Variants in RPS6KA2 observed in about 807,000 individuals in gnomAD.
RPS6KA2 encodes ribosomal protein S6 kinase alpha-2.
RPS6KA2 carries 42 observed loss-of-function variants against 91.8 expected under a neutral mutation model. The observed-to-expected ratio is 0.46, with a 90% confidence interval of 0.36 to 0.59. The LOEUF (loss-of-function observed/expected upper bound fraction) is 0.59, where lower values mean the gene tolerates loss of function less well. Ranked by LOEUF, RPS6KA2 falls within the 20% of genes least tolerant of loss-of-function variation. The pLI is 0.00. For missense variants in RPS6KA2, 798 were observed against 978.5 expected (o/e 0.82, Z 2.46); for synonymous variants, 414 against 393.6 (o/e 1.05, Z -0.61).
rs1417613206 is a variant in RPS6KA2, at chr6:166,821,494, G to T, written c.123+36706C>A. Reference sequence around the variant, plus strand: ...AATCCCGGCTTCTCCTGTAAACGCTGCAGTCAGTCTCCATCCTTAGCCTGG... The same window carrying T: ...AATCCCGGCTTCTCCTGTAAACGCTTCAGTCAGTCTCCATCCTTAGCCTGG... On this transcript the variant is annotated intron_variant, in intron 2 of 21. Coordinates refer to the RPS6KA2 transcript ENST00000503859. This position sits in a 1 kb window ranked among gnomAD's most constrained non-coding sequence, Gnocchi z 4.1. Among the ~76,000 whole-genome samples the T allele has an allele frequency of 6.6e-6, 1 of 152,102 alleles. No individual in the cohort carries two copies.
At chr6:166,681,525 G>C (rs957458010) in intron 2 of RPS6KA2, among the ~76,000 whole-genome samples, 1 of 151,906 alleles carries the variant, frequency 6.6e-6, no homozygotes, top group African/African-American at 2.4e-5. Context: ...AGTGTGACCA[G>C]TGCTGATCGG....
At chr6:166,438,386 C>T (rs554243484) in intron 14 of RPS6KA2, among the ~76,000 whole-genome samples, 6 of 152,358 alleles carry the variant, frequency 3.9e-5, no homozygotes, top group African/African-American at 9.6e-5. Flanking sequence ...GGAAGGCTGG[C>T]CCGCGCTCCA....
chr6:166,793,257 C>T (rs530935674), intron 2 of RPS6KA2, among the ~76,000 whole-genome samples: 66 of 149,230 alleles, frequency 4.4e-4, no homozygotes, highest in African/African-American at 1.5e-3. Flanking sequence ...TTCACAATTG[C>T]TTCAAAGAGA....
intron 2 of RPS6KA2, among the ~76,000 whole-genome samples, chr6:166,753,188 C>T (rs559634449): frequency 6.6e-6 from 1 of 152,258 alleles, no homozygotes; most frequent in African/African-American, 2.4e-5. Flanking sequence ...TGGTTTCACC[C>T]CAGTCCCCAG....
In RPS6KA2 at chr6:166,423,685, C is replaced by T. The variant is rs560052252; in HGVS notation, c.1582-268G>A. ...GAATATTTGAGTAAATAAGTGAGCA[C>T]CTCTCCAAGTTGAGGCCGCAGCTTA... On this transcript the variant is annotated intron_variant, in intron 16 of 20. Transcript: ENST00000265678. This position sits in a 1 kb window ranked among gnomAD's most constrained non-coding sequence, Gnocchi z 4.8. Among the ~76,000 whole-genome samples, 8 of 152,354 alleles carry T rather than the reference C, an allele frequency of 5.3e-5. No individual in the cohort carries two copies. The highest frequency in any genetic ancestry group is 2.0e-4 in the Admixed American group (3 of 15,310).
At chr6:166,692,351 C>T (rs1789232769) in intron 2 of RPS6KA2, among the ~76,000 whole-genome samples, 1 of 152,084 alleles carries the variant, frequency 6.6e-6, no homozygotes, top group African/African-American at 2.4e-5. Context: ...AATATATGCC[C>T]AAGAAGAAGA....
At chr6:166,515,201 A>G (rs574750583) in intron 3 of RPS6KA2, among the ~76,000 whole-genome samples, 33 of 152,252 alleles carry the variant, frequency 2.2e-4, no homozygotes, top group African/African-American at 7.5e-4. Flanking sequence ...AATGTGAAAG[A>G]AGTGTTTGGT....
rs79840984 is a variant in RPS6KA2, at chr6:166,689,129, G to A, written c.124-150345C>T. On this transcript the variant is annotated intron_variant, in intron 2 of 21. Transcript: ENST00000503859. ...CAGGGCTCTGGCCGCCCTGTGCCTGGAGGCTGCGCCAAAAGCGCTCCCCTA... is the reference window on the plus strand; with the variant it reads ...CAGGGCTCTGGCCGCCCTGTGCCTGAAGGCTGCGCCAAAAGCGCTCCCCTA... 5.3e-3 allele frequency among the ~76,000 whole-genome samples: 813 copies of A among 152,370 alleles called. 7 individuals carry two copies. Among genetic ancestry groups the A allele is most frequent in the African/African-American group, 0.019 (779 of 41,590 alleles).
In RPS6KA2 at chr6:166,448,820, G is replaced by A. The variant is rs778147662; in HGVS notation, c.1236C>T (p.Thr412=). 2.0e-5 allele frequency: 33 copies of A among 1,613,742 alleles called. No homozygotes were observed. The highest frequency in any genetic ancestry group is 1.2e-4 in the Admixed American group (7 of 59,960). Residue 412 remains threonine (T), a synonymous_variant, in exon 14 of 21, where the codon ACC becomes ACT. Transcript: ENST00000265678. The surrounding 1 kb of genome is among the most constrained non-coding windows in gnomAD (Gnocchi z 4.7). ...TGTCCTCCTTGATCTCGTAGCCATC[G>A]GTGAAGTGGATGTTGTTCCCGTGTA... is the stretch of plus-strand genomic sequence containing the variant. ...QQLHGNNIHF[T]DGYEIKEDIG... is the part of the protein sequence containing the mutation.
chr6:166,687,797 A>G lies in RPS6KA2; in HGVS notation c.124-149013T>C, dbSNP rs187119291. 1.5e-4 allele frequency among the ~76,000 whole-genome samples: 23 copies of G among 152,358 alleles called. No homozygotes were observed. The East Asian group carries it at 3.1e-3, about 20-fold the overall frequency. On this transcript the variant is annotated intron_variant, in intron 2 of 21. Coordinates refer to the RPS6KA2 transcript ENST00000503859. ...TGTGGAGCGTTATCAGGATTTGCTCAATGCGTGTGCACAGAGATGCAAAAT... is the reference window on the plus strand; with the variant it reads ...TGTGGAGCGTTATCAGGATTTGCTCGATGCGTGTGCACAGAGATGCAAAAT...
rs191135003 is a variant in RPS6KA2 at position 166,732,944 on chromosome 6, G to A, written c.123+125256C>T. On this transcript the variant is annotated intron_variant, in intron 2 of 21. Coordinates refer to the RPS6KA2 transcript ENST00000503859. This position sits in a 1 kb window ranked among gnomAD's most constrained non-coding sequence, Gnocchi z 4.0. Reference sequence around the variant, plus strand: ...CTGAAGTGAAGCCTGCTGGCTTAGAGGAAATGAGGAACCGGAGCGGCTGGG... The same window carrying A: ...CTGAAGTGAAGCCTGCTGGCTTAGAAGAAATGAGGAACCGGAGCGGCTGGG... 9.8e-5 allele frequency among the ~76,000 whole-genome samples: 15 copies of A among 152,310 alleles called. No homozygotes were observed. Among genetic ancestry groups the A allele is most frequent in the Admixed American group, 3.3e-4 (5 of 15,300 alleles).
upstream of RPS6KA2, chr6:166,627,963 C>T (rs1415726393): frequency 6.6e-6 from 1 of 152,116 alleles, no homozygotes; most frequent in East Asian, 1.9e-4. Flanking sequence ...TTCCCTCCGC[C>T]GGAGCGGACA....
In RPS6KA2 at chr6:166,711,318, G is replaced by C. The variant is rs527492733; in HGVS notation, c.123+146882C>G. Reference sequence around the variant, plus strand: ...AAACAGAAAGCTTATATAAGATCCAGAGTCTCATAACATAGTGCCCCAAAA... The same window carrying C: ...AAACAGAAAGCTTATATAAGATCCACAGTCTCATAACATAGTGCCCCAAAA... On this transcript the variant is annotated intron_variant, in intron 2 of 21. Coordinates refer to the RPS6KA2 transcript ENST00000503859. Among the ~76,000 whole-genome samples the C allele has an allele frequency of 1.0e-4, 15 of 143,768 alleles. 3 individuals are homozygous for C. The highest frequency in any genetic ancestry group is 2.0e-4 in the Non-Finnish European group (13 of 66,284). The allele number at this position is 143,768 out of a possible 152,430, so 94.3% of individuals were successfully genotyped here. A position where few individuals can be genotyped will look rare whatever the true frequency, so the allele number is the denominator to read the frequency against.
intron 2 of RPS6KA2, among the ~76,000 whole-genome samples, chr6:166,677,958 A>T (rs1278306622): frequency 1.3e-5 from 2 of 152,204 alleles, no homozygotes; most frequent in African/African-American, 4.8e-5. Flanking sequence ...CAAGCAAATG[A>T]GTGTGACTGT....
chr6:166,786,179 TCTC>T (rs544830573), intron 2 of RPS6KA2, among the ~76,000 whole-genome samples: 44 of 152,350 alleles, frequency 2.9e-4, no homozygotes, highest in African/African-American at 9.4e-4. Flanking sequence ...TGGTGAACAG[TCTC>T]CTTTTATTTT....
chr6:166,801,693 T>C (rs1340946768), intron 2 of RPS6KA2, among the ~76,000 whole-genome samples: 1 of 152,198 alleles, frequency 6.6e-6, no homozygotes, highest in Non-Finnish European at 1.5e-5. Context: ...TATATTCAAG[T>C]TTTAAAAGTT....
upstream of RPS6KA2, among the ~76,000 whole-genome samples, chr6:166,630,133 G>A (rs1439193606): frequency 1.3e-5 from 2 of 152,194 alleles, no homozygotes; most frequent in Non-Finnish European, 2.9e-5. Flanking sequence ...GAGGAGGCGG[G>A]AGTCCCAGGC....
chr6:166,763,706 A>T (rs747407388), intron 2 of RPS6KA2, among the ~76,000 whole-genome samples: 1 of 152,196 alleles, frequency 6.6e-6, no homozygotes, highest in Non-Finnish European at 1.5e-5. Flanking sequence ...CATTGAGAAA[A>T]GGCGTTTCGT....
intron 2 of RPS6KA2, chr6:166,702,291 A>AGGAGCCCCTCTGCC: frequency 6.2e-7 from 1 of 1,613,468 alleles, no homozygotes; most frequent in Admixed American, 1.7e-5. Context: ...CCCTGCCTTG[A>AGGAGCCCCTCTGCC]GGAGCCCCTC....
Sources: gnomAD v4.1 joint callset for allele counts (sites outside exome capture counted in the v4.1 genomes callset) on GRCh38, gnomAD v4.1.1 for gene constraint, Gnocchi (gnomAD v3.1) non-coding constraint, MANE v1.5 for transcripts, NCBI Gene and HGNC (gene_info 2026-07-23, HGNC 2026-07-21) for gene names.